Variants in CDH20 observed in about 807,000 individuals in gnomAD.
CDH20 encodes cadherin-20.
CDH20 carries 29 observed loss-of-function variants against 74.2 expected under a neutral mutation model. That is an observed-to-expected ratio of 0.39 (90% confidence interval 0.29 to 0.53). The LOEUF (loss-of-function observed/expected upper bound fraction) is 0.53, where lower values mean the gene tolerates loss of function less well. Among genes scored for constraint, CDH20 ranks in the 20% least tolerant of loss-of-function variants. CDH20 has a pLI of 0.69. For synonymous variants in CDH20, 469 were observed against 405.4 expected (o/e 1.16, Z -1.88); for missense variants, 988 against 1,048.3 (o/e 0.94, Z 0.79).
chr18:61,510,311 G>A (rs1420951233), intron 6 of CDH20, among the ~76,000 whole-genome samples: 1 of 152,156 alleles, frequency 6.6e-6, no homozygotes, highest in Non-Finnish European at 1.5e-5. Flanking sequence ...GAGGATAATG[G>A]AGGAAGTGCA....
At position 61,554,204 on chromosome 18, in the gene CDH20, A is replaced by C. The variant is rs747407184; in HGVS notation, c.1915A>C (p.Ile639Leu). The change falls in exon 12 of 12, where the codon ATT (isoleucine) becomes CTT (leucine). Residue 639 changes from isoleucine to leucine, a missense_variant. Physicochemically the swap from Ile to Leu is conservative, Grantham distance 5 (BLOSUM62 2). Around this residue, in one of 2 missense-constraint regions of CDH20, gnomAD observed 375 missense variants for 293.1 expected, o/e 1.28. Coordinates refer to ENST00000262717, the MANE Select transcript of CDH20 (RefSeq NM_031891.4). ...IFVLLVLVLL[I>L]LSMRRHRKQP... ...GTTCCTGGCAGTGCTGGTGTTGCTCATTTTGTCCATGAGGCGGCACCGGAA... is the reference window on the plus strand; with the variant it reads ...GTTCCTGGCAGTGCTGGTGTTGCTCCTTTTGTCCATGAGGCGGCACCGGAA... The C allele has an allele frequency of 1.2e-6, 2 of 1,610,506 alleles. No homozygotes were observed. The highest frequency in any genetic ancestry group is 2.2e-5 in the South Asian group (2 of 90,984).
intron 6 of CDH20, among the ~76,000 whole-genome samples, chr18:61,517,630 G>A (rs2144351326): frequency 6.6e-6 from 1 of 152,292 alleles, no homozygotes; most frequent in East Asian, 1.9e-4. Context: ...CGCCTCCAGG[G>A]ACCTGGGTTT....
intron 1 of CDH20, among the ~76,000 whole-genome samples, chr18:61,339,855 T>A (rs532332165): frequency 2.7e-5 from 4 of 148,386 alleles, no homozygotes; most frequent in African/African-American, 1.0e-4. Context: ...GCCCAGCTAA[T>A]TTTTTTTTGC....
At chr18:61,372,951 A>G (rs1911092825) in intron 1 of CDH20, among the ~76,000 whole-genome samples, 1 of 152,160 alleles carries the variant, frequency 6.6e-6, no homozygotes, top group African/African-American at 2.4e-5. Flanking sequence ...TCTCACTGAT[A>G]GAACGTAATT....
chr18:61,458,484 G>C (rs1196701690), intron 1 of CDH20, among the ~76,000 whole-genome samples: 3 of 152,112 alleles, frequency 2.0e-5, no homozygotes, highest in Non-Finnish European at 4.4e-5. Flanking sequence ...CTCCCTTCCA[G>C]AGCCAAGCAG....
chr18:61,347,202 A>C (rs887425695), intron 1 of CDH20, among the ~76,000 whole-genome samples: 1 of 148,548 alleles, frequency 6.7e-6, no homozygotes, highest in Non-Finnish European at 1.5e-5. Flanking sequence ...TGATCCTAGC[A>C]CTTAGGGAGG....
chr18:61,388,158 G>A (rs1911663647), intron 1 of CDH20, among the ~76,000 whole-genome samples: 1 of 152,158 alleles, frequency 6.6e-6, no homozygotes, highest in African/African-American at 2.4e-5. Context: ...CCATGAGGAT[G>A]AGTGAGCTAA....
chr18:61,518,435 T>G (rs1395597696), intron 6 of CDH20, among the ~76,000 whole-genome samples: 3 of 151,678 alleles, frequency 2.0e-5, no homozygotes, highest in Non-Finnish European at 4.4e-5. Flanking sequence ...GGCAGCAATC[T>G]TTGCTGTTCT....
chr18:61,349,774 A>G (rs189655185), intron 1 of CDH20, among the ~76,000 whole-genome samples: 202 of 152,198 alleles, frequency 1.3e-3, no homozygotes, highest in African/African-American at 2.8e-3. Context: ...AAAAAAAAAA[A>G]AGAGAGAAGG....
chr18:61,495,191 G>A (rs962680269), intron 2 of CDH20, among the ~76,000 whole-genome samples: 1 of 152,222 alleles, frequency 6.6e-6, no homozygotes, highest in Non-Finnish European at 1.5e-5. Flanking sequence ...CGCAGTCAGT[G>A]TTAGTTGAAT....
In CDH20 at chr18:61,371,762, G is replaced by A. The variant is rs991138100; in HGVS notation, c.-153+37935G>A. On this transcript the variant is annotated intron_variant, in intron 1 of 11. Coordinates refer to ENST00000262717, the MANE Select transcript of CDH20 (RefSeq NM_031891.4). ...TAAATTTGTGACAAATATGATTATT[G>A]GCCTTATATTTTCCAAATGGTCTTC... is the stretch of plus-strand genomic sequence containing the variant. Among the ~76,000 whole-genome samples the A allele has an allele frequency of 2.6e-5, 4 of 151,790 alleles. 1 individual carries two copies. The highest frequency in any genetic ancestry group is 3.2e-3 in the Middle Eastern group (1 of 316).
chr18:61,406,009 T>C (rs1316940009), intron 1 of CDH20, among the ~76,000 whole-genome samples: 1 of 152,190 alleles, frequency 6.6e-6, no homozygotes, highest in Admixed American at 6.5e-5. Context: ...ATTCATCTCC[T>C]GCTCTTTATT....
At chr18:61,453,344 C>T (rs1378799605) in intron 1 of CDH20, among the ~76,000 whole-genome samples, 1 of 152,304 alleles carries the variant, frequency 6.6e-6, no homozygotes, top group East Asian at 1.9e-4. Flanking sequence ...GTGGCACAAT[C>T]TCGGCTCACT....
chr18:61,431,817 G>C (rs1035282649), intron 1 of CDH20, among the ~76,000 whole-genome samples: 1 of 152,102 alleles, frequency 6.6e-6, no homozygotes, highest in Non-Finnish European at 1.5e-5. Flanking sequence ...GGTTTTTGTA[G>C]CTTGTTGATT....
At chr18:61,450,387 T>A (rs1599093634) in intron 1 of CDH20, among the ~76,000 whole-genome samples, 4 of 131,132 alleles carry the variant, frequency 3.1e-5, no homozygotes, top group East Asian at 2.2e-4. Context: ...CAAACCCCTT[T>A]AAAAAAAAAA....
intron 1 of CDH20, among the ~76,000 whole-genome samples, chr18:61,458,359 A>G (rs975622440): frequency 2.4e-4 from 36 of 152,264 alleles, no homozygotes; most frequent in African/African-American, 8.2e-4. Context: ...GCCCTCAATC[A>G]TAATTTATTA....
chr18:61,346,536 T>A (rs185737866), intron 1 of CDH20, among the ~76,000 whole-genome samples: 1 of 152,240 alleles, frequency 6.6e-6, no homozygotes, highest in East Asian at 1.9e-4. Flanking sequence ...CTGACAAGTA[T>A]TCTTTATTTA....
intron 1 of CDH20, among the ~76,000 whole-genome samples, chr18:61,347,972 A>T (rs1280879931): frequency 6.6e-6 from 1 of 152,192 alleles, no homozygotes; most frequent in African/African-American, 2.4e-5. Flanking sequence ...TTAGTTGATA[A>T]TTATAGCAAT....
intron 1 of CDH20, among the ~76,000 whole-genome samples, chr18:61,458,387 A>G (rs1388340242): frequency 6.6e-6 from 1 of 152,054 alleles, no homozygotes; most frequent in African/African-American, 2.4e-5. Flanking sequence ...TCTTTGCCAT[A>G]TTTGGGGGAA....
Sources: allele counts gnomAD v4.1 joint callset (sites outside exome capture counted in the v4.1 genomes callset), GRCh38; gene constraint gnomAD v4.1.1; regional missense constraint gnomAD v4.1.1; transcripts MANE v1.5; gene names NCBI Gene and HGNC (gene_info 2026-07-23, HGNC 2026-07-21).